The following WDFY4 variants were observed in gnomAD, a reference collection of about 807,000 sequenced individuals.
WDFY4 encodes the protein WDFY family member 4, also known as WD repeat- and FYVE domain-containing protein 4.
WDFY4 carries 169 observed loss-of-function variants against 351.9 expected under a neutral mutation model. That is an observed-to-expected ratio of 0.48 (90% CI 0.42 to 0.55). The LOEUF (loss-of-function observed/expected upper bound fraction) is 0.55. Among genes scored for constraint, WDFY4 ranks in the 20% least tolerant of loss-of-function variants. The probability of loss-of-function intolerance (pLI) is 0.00; values close to 1 mark genes in which losing one functional copy is unlikely to be tolerated. For synonymous variants in WDFY4, 1,622 were observed against 1,574.6 expected (o/e 1.03, Z -0.71); for missense variants, 3,803 against 3,935.6 (o/e 0.97, Z 0.90).
At chr10:48,819,546 C>T (rs905022217) in intron 32 of WDFY4, among the ~76,000 whole-genome samples, 5 of 152,252 alleles carry the variant, frequency 3.3e-5, no homozygotes, top group African/African-American at 7.2e-5. Flanking sequence ...AGTCCCTGGC[C>T]GCGTGTCCTT....
At chr10:48,705,439 G>T (rs530181437) in intron 1 of WDFY4, among the ~76,000 whole-genome samples, 1 of 152,272 alleles carries the variant, frequency 6.6e-6, no homozygotes, top group African/African-American at 2.4e-5. Context: ...TTTTCACCCT[G>T]GATAAGAAGA....
In WDFY4 at chr10:48,806,047, A is replaced by T. The variant is rs1049062096; in HGVS notation, c.4690A>T (p.Asn1564Tyr). 3.2e-5 allele frequency: 49 copies of T among 1,551,540 alleles called. No homozygotes were observed. Among genetic ancestry groups the T allele is most frequent in the Non-Finnish European group, 3.9e-5 (45 of 1,146,990 alleles). Reference protein sequence around the residue: ...VVYTLKPSSVNERQICMDGAL... With the variant: ...VVYTLKPSSVYERQICMDGAL... ...GTACACCCTCAAGCCTTCGTCGGTG[A>T]ATGAGAGGCAGATCTGCATGGACGG... Residue 1564 changes from asparagine to tyrosine, a missense_variant, in exon 27 of 62, where the codon AAT (asparagine) becomes TAT (tyrosine). By Grantham distance (143) the Asn-to-Tyr change is moderately radical. Coordinates refer to ENST00000325239, the MANE Select transcript of WDFY4 (RefSeq NM_001394531.1).
rs375343310 is a variant in WDFY4, at chr10:48,966,645, G to C, written c.8556G>C (p.Ser2852=). The C allele has an allele frequency of 1.3e-6, 2 of 1,551,724 alleles. No individual in the cohort carries two copies. Among genetic ancestry groups the C allele is most frequent in the Non-Finnish European group, 1.7e-6 (2 of 1,146,988 alleles). The stretch of plus-strand genomic sequence containing the variant: ...AGCCCTTTTTCTACAGCCTGCAGTC[G>C]CTGAGGCCCTCCCAGGTCACGGTCA... ...HPQPFFYSLQ[S]LRPSQVTVKD... is the part of the protein sequence containing the mutation. Residue 2852 remains serine, a synonymous_variant, in exon 55 of 62, where the codon TCG becomes TCC. Coordinates refer to ENST00000325239, the MANE Select transcript of WDFY4 (RefSeq NM_001394531.1).
At chr10:48,869,069 C>T (rs140677724) in intron 40 of WDFY4, among the ~76,000 whole-genome samples, 3 of 152,222 alleles carry the variant, frequency 2.0e-5, no homozygotes, top group East Asian at 1.9e-4. Context: ...GGATACTTTC[C>T]AAGTATTTAA....
Position 48,887,635 on chromosome 10 carries a change from C to T in WDFY4, c.7168-2944C>T, listed in dbSNP as rs185074586. Among the ~76,000 whole-genome samples the T allele has an allele frequency of 5.3e-5, 8 of 152,068 alleles. No homozygotes were observed. In the South Asian group the frequency reaches 6.2e-4, roughly 12 times the overall value. On this transcript the variant is annotated intron_variant, in intron 43 of 61. Transcript: ENST00000325239. ...TTACTAAAAAATACAAAAAATTAGC[C>T]GGGCGTGGTGGTGGGTGCCTGTAGT...
intron 2 of WDFY4, among the ~76,000 whole-genome samples, chr10:48,717,070 G>A (rs925243894): frequency 1.3e-5 from 2 of 152,190 alleles, no homozygotes; most frequent in African/African-American, 4.8e-5. Flanking sequence ...TTAAACTCCG[G>A]CTAAGCCTCA....
chr10:48,945,415 C>G (rs1274709047), intron 49 of WDFY4, among the ~76,000 whole-genome samples: 2 of 152,068 alleles, frequency 1.3e-5, no homozygotes, highest in Non-Finnish European at 2.9e-5. Flanking sequence ...GGTACCTCCT[C>G]CTATAAAGAA....
intron 39 of WDFY4, among the ~76,000 whole-genome samples, chr10:48,851,305 A>G (rs896497292): frequency 6.6e-6 from 1 of 152,166 alleles, no homozygotes. Flanking sequence ...CCTCCTCCAT[A>G]TGTGGATGCT....
Position 48,735,870 on chromosome 10 carries a change from T to C in WDFY4, c.1688-10T>C, listed in dbSNP as rs1252658500. ...TTGCCCTAGCCCCATTCTGTCTGTCTGATCCTTAGTTGTCCTGAAGGACCA... is the reference window on the plus strand; with the variant it reads ...TTGCCCTAGCCCCATTCTGTCTGTCCGATCCTTAGTTGTCCTGAAGGACCA... On this transcript the variant is annotated splice_polypyrimidine_tract_variant and intron_variant, in intron 10 of 61. Coordinates refer to ENST00000325239, the MANE Select transcript of WDFY4 (RefSeq NM_001394531.1). The C allele has an allele frequency of 2.6e-6, 4 of 1,550,580 alleles. No homozygotes were observed. The South Asian group carries it at 4.8e-5, about 18-fold the overall frequency.
intron 1 of WDFY4, among the ~76,000 whole-genome samples, chr10:48,691,834 G>A (rs555080364): frequency 6.6e-6 from 1 of 152,190 alleles, no homozygotes; most frequent in African/African-American, 2.4e-5. Flanking sequence ...AATTAGTAAC[G>A]TTAAAACACG....
intron 61 of WDFY4, 53 bp downstream of exon 61, chr10:48,981,531 T>G (rs1842805799): frequency 4.6e-6 from 7 of 1,520,542 alleles, no homozygotes; most frequent in Non-Finnish European, 6.2e-6. Context: ...TGCAGCCACC[T>G]TTAGGAAAGC....
chr10:48,964,773 G>A (rs954986750), intron 54 of WDFY4, among the ~76,000 whole-genome samples: 4 of 152,220 alleles, frequency 2.6e-5, no homozygotes, highest in Non-Finnish European at 5.9e-5. Context: ...GAAAGCACAA[G>A]TTAGGTGCTT....
intron 24 of WDFY4, 104 bp downstream of exon 24, chr10:48,796,554 C>T: frequency 1.4e-6 from 2 of 1,424,030 alleles, no homozygotes; most frequent in Non-Finnish European, 1.9e-6. Context: ...CCCTCATAGT[C>T]ATGATGGTAG....
intron 43 of WDFY4, among the ~76,000 whole-genome samples, chr10:48,885,245 A>AGG (rs2070407715): frequency 6.6e-6 from 1 of 152,198 alleles, no homozygotes; most frequent in Non-Finnish European, 1.5e-5. Flanking sequence ...AATTTTATCA[A>AGG]GCTGTGCAGG....
chr10:48,951,945 TA>T (rs2133802654), intron 51 of WDFY4, among the ~76,000 whole-genome samples: 1 of 152,272 alleles, frequency 6.6e-6, no homozygotes, highest in South Asian at 2.1e-4. Context: ...AGTGCTGTGT[TA>T]ATTAAGTCAC....
intron 39 of WDFY4, among the ~76,000 whole-genome samples, chr10:48,858,790 G>A (rs1378172615): frequency 6.6e-6 from 1 of 152,082 alleles, no homozygotes; most frequent in Non-Finnish European, 1.5e-5. Flanking sequence ...TTAGCAATTT[G>A]AGAAGAAATG....
intron 47 of WDFY4, among the ~76,000 whole-genome samples, chr10:48,940,417 T>C (rs149572676): frequency 8.5e-4 from 130 of 152,268 alleles, no homozygotes; most frequent in African/African-American, 2.8e-3. Flanking sequence ...ATCTGCCAAG[T>C]AAAGAATTGA....
chr10:48,691,243 G>A (rs768563340), intron 1 of WDFY4, among the ~76,000 whole-genome samples: 12 of 152,106 alleles, frequency 7.9e-5, no homozygotes, highest in South Asian at 4.1e-4. Flanking sequence ...TGGCAGGCTC[G>A]GTGGTCACCC....
intron 57 of WDFY4, among the ~76,000 whole-genome samples, chr10:48,973,726 G>C (rs1308531128): frequency 2.0e-5 from 3 of 152,212 alleles, no homozygotes; most frequent in South Asian, 4.1e-4. Flanking sequence ...TTGGCCAGGG[G>C]GTACCAGCAT....
Sources: gnomAD v4.1 joint callset for allele counts (sites outside exome capture counted in the v4.1 genomes callset) on GRCh38, gnomAD v4.1.1 for gene constraint, MANE v1.5 for transcripts, NCBI Gene and HGNC (gene_info 2026-07-23, HGNC 2026-07-21) for gene names.